Variants in FYN observed in about 807,000 individuals in gnomAD.
FYN encodes the protein FYN proto-oncogene, Src family tyrosine kinase, also known as tyrosine-protein kinase Fyn.
FYN carries 10 observed loss-of-function variants against 70.2 expected under a neutral mutation model. That is an observed-to-expected ratio of 0.14 (90% confidence interval 0.09 to 0.24). The LOEUF is 0.24. Ranked by LOEUF, FYN falls within the 10% of genes least tolerant of loss-of-function variation. The probability of loss-of-function intolerance (pLI) is 1.00; values close to 1 mark genes in which losing one functional copy is unlikely to be tolerated. For synonymous variants in FYN, 236 were observed against 248.6 expected (o/e 0.95, Z 0.48); for missense variants, 319 against 673.1 (o/e 0.47, Z 5.82).
chr6:111,805,694 C>T (rs896632265), intron 2 of FYN, among the ~76,000 whole-genome samples: 4 of 152,162 alleles, frequency 2.6e-5, no homozygotes, highest in Non-Finnish European at 5.9e-5. Flanking sequence ...CAGCCCCCTC[C>T]CCCTTCCCTT....
rs1370673690 is a variant in FYN at position 111,703,014 on chromosome 6, G to A, written c.568C>T (p.Arg190Cys). The change falls in exon 8 of 14, where the codon CGT becomes TGT. Residue 190 changes from arginine (R) to cysteine (C), a missense_variant. Physicochemically the swap from Arg to Cys is radical, Grantham distance 180. Transcript: ENST00000354650. Reference sequence around the variant, plus strand: ...TCTCCTTTCATATCATCCCAATCACGGATAGAAAGTGAATAGGCACCTGGT... The same window carrying A: ...TCTCCTTTCATATCATCCCAATCACAGATAGAAAGTGAATAGGCACCTGGT... The part of the protein sequence containing the change: ...TTKGAYSLSI[R>C]DWDDMKGDHV... The A allele has an allele frequency of 5.6e-6, 9 of 1,613,852 alleles. No homozygotes were observed. The highest frequency in any genetic ancestry group is 1.1e-5 in the South Asian group (1 of 91,038).
At chr6:111,789,680 C>T (rs1029016597) in intron 2 of FYN, among the ~76,000 whole-genome samples, 4 of 152,152 alleles carry the variant, frequency 2.6e-5, no homozygotes, top group Non-Finnish European at 5.9e-5. Flanking sequence ...GATCACATCA[C>T]ATGTATCAGG....
At chr6:111,784,903 C>A (rs1204498295) in intron 2 of FYN, among the ~76,000 whole-genome samples, 1 of 152,174 alleles carries the variant, frequency 6.6e-6, no homozygotes, top group African/African-American at 2.4e-5. Context: ...CTGAGGAAAC[C>A]AAATAGACCA....
chr6:111,834,717 G>A (rs1296916313), intron 2 of FYN, among the ~76,000 whole-genome samples: 5 of 152,158 alleles, frequency 3.3e-5, no homozygotes, highest in African/African-American at 4.8e-5. Flanking sequence ...AGCTGCAGGC[G>A]GCAGTGCTGG....
At chr6:111,716,654 T>TAA (rs149228212) in intron 4 of FYN, among the ~76,000 whole-genome samples, 2 of 149,012 alleles carry the variant, frequency 1.3e-5, no homozygotes, top group African/African-American at 4.9e-5. Flanking sequence ...CTCTGTATAT[T>TAA]AAAAAAAAAA....
chr6:111,794,116 C>A (rs899524359), intron 2 of FYN, among the ~76,000 whole-genome samples: 3 of 152,236 alleles, frequency 2.0e-5, no homozygotes, highest in African/African-American at 7.2e-5. Context: ...CTCCTCCATC[C>A]GCCATGAGGA....
chr6:111,702,569 C>A, intron 8 of FYN: 1 of 212,628 alleles, frequency 4.7e-6, no homozygotes, highest in African/African-American at 2.3e-5. Context: ...TTCTCACATG[C>A]AACGCGGGGA....
intron 4 of FYN, among the ~76,000 whole-genome samples, chr6:111,719,085 A>G (rs1358068673): frequency 6.6e-6 from 1 of 152,242 alleles, no homozygotes; most frequent in Admixed American, 6.5e-5. Context: ...AACTTTTGCA[A>G]TAAACAAAAT....
chr6:111,819,558 A>G (rs1772592427), intron 2 of FYN, among the ~76,000 whole-genome samples: 1 of 152,134 alleles, frequency 6.6e-6, no homozygotes, highest in Non-Finnish European at 1.5e-5. Context: ...CCCCGAGACC[A>G]TGACCCATAT....
At chr6:111,762,605 T>C (rs1803052348) in intron 3 of FYN, among the ~76,000 whole-genome samples, 1 of 152,104 alleles carries the variant, frequency 6.6e-6, no homozygotes, top group African/African-American at 2.4e-5. Flanking sequence ...TAACAGGCCC[T>C]AAAAGGAAAT....
intron 2 of FYN, among the ~76,000 whole-genome samples, chr6:111,781,275 C>T (rs1771161150): frequency 6.6e-6 from 1 of 152,202 alleles, no homozygotes; most frequent in African/African-American, 2.4e-5. Context: ...TTCACCTCCA[C>T]TGCAAACCTT....
chr6:111,824,512 T>A (rs985638099), intron 2 of FYN, among the ~76,000 whole-genome samples: 4 of 152,226 alleles, frequency 2.6e-5, no homozygotes, highest in Non-Finnish European at 2.9e-5. Context: ...CAGATGATGT[T>A]GTTGCCCATG....
At chr6:111,751,819 A>T (rs1802502878) in intron 3 of FYN, among the ~76,000 whole-genome samples, 1 of 151,956 alleles carries the variant, frequency 6.6e-6, no homozygotes, top group South Asian at 2.1e-4. Context: ...AGGTCTCACT[A>T]TGTTGCCCAG....
At chr6:111,852,066 T>C (rs1450214841) in intron 1 of FYN, among the ~76,000 whole-genome samples, 3 of 152,154 alleles carry the variant, frequency 2.0e-5, no homozygotes, top group Non-Finnish European at 4.4e-5. Flanking sequence ...AATAAAAAGG[T>C]ACATGCCTCC....
intron 2 of FYN, chr6:111,793,777 C>A (rs908544847): frequency 1.3e-5 from 2 of 152,262 alleles, no homozygotes; most frequent in African/African-American, 4.8e-5. Flanking sequence ...AATCCATTAT[C>A]ATTAGCCATG....
intron 2 of FYN, among the ~76,000 whole-genome samples, chr6:111,806,305 T>C (rs1272360724): frequency 6.6e-6 from 1 of 152,116 alleles, no homozygotes. Flanking sequence ...TCAGTCTAGA[T>C]GGCTCTGAAG....
chr6:111,787,090 T>C (rs1346101036), intron 2 of FYN, among the ~76,000 whole-genome samples: 3 of 152,250 alleles, frequency 2.0e-5, no homozygotes, highest in Admixed American at 2.0e-4. Context: ...TTTGTCAATT[T>C]TGGCTTTTGT....
chr6:111,860,709 C>T (rs1773940221), intron 1 of FYN, among the ~76,000 whole-genome samples: 1 of 152,188 alleles, frequency 6.6e-6, no homozygotes, highest in South Asian at 2.1e-4. Context: ...TGCTGGCACC[C>T]ATAGAGGCAT....
At chr6:111,866,296 C>T (rs1005395251) in intron 1 of FYN, among the ~76,000 whole-genome samples, 4 of 152,178 alleles carry the variant, frequency 2.6e-5, no homozygotes, top group African/African-American at 9.7e-5. Flanking sequence ...GCCCACACAG[C>T]TGGAAAGGGT....
Sources: allele counts gnomAD v4.1 joint callset (sites outside exome capture counted in the v4.1 genomes callset), GRCh38; gene constraint gnomAD v4.1.1; transcripts MANE v1.5; gene names NCBI Gene and HGNC (gene_info 2026-07-23, HGNC 2026-07-21).